Variants in PSCA observed in about 807,000 individuals in gnomAD.
PSCA encodes the protein prostate stem cell antigen.
PSCA carries 7 observed loss-of-function variants against 7.9 expected under a neutral mutation model. The observed-to-expected ratio is 0.89, with a 90% CI of 0.51 to 1.67. The LOEUF (loss-of-function observed/expected upper bound fraction) is 1.67, where lower values mean the gene tolerates loss of function less well. PSCA is among the 40% of genes most tolerant of loss of function. The pLI is 0.00. For missense variants in PSCA, 151 were observed against 147.9 expected (o/e 1.02, Z -0.11); for synonymous variants, 61 against 68.3 (o/e 0.89, Z 0.53).
At position 142,673,189 on chromosome 8, in the gene PSCA, G is replaced by T. The variant is rs1847355331; in HGVS notation, n.261+2621G>T. On this transcript the variant is annotated intron_variant and non_coding_transcript_variant, in intron 1 of 1. Coordinates refer to the PSCA transcript ENST00000505305. This position sits in a 1 kb window ranked among gnomAD's most constrained non-coding sequence, Gnocchi z 4.6. ...TCATTAAAAGGAAAACCTTACTGAG[G>T]ACTTCCTTACCCTCACTATCTGCCT... Among the ~76,000 whole-genome samples the T allele has an allele frequency of 6.6e-6, 1 of 152,164 alleles. No homozygotes were observed. The highest frequency in any genetic ancestry group is 2.4e-5 in the African/African-American group (1 of 41,416).
At chr8:142,677,236 G>C (rs371560444), upstream of PSCA, among the ~76,000 whole-genome samples, 2 of 152,186 alleles carry the variant, frequency 1.3e-5, no homozygotes, top group Admixed American at 6.5e-5. Flanking sequence ...ATGGTCTTCC[G>C]TATAGGAGCC....
upstream of PSCA, among the ~76,000 whole-genome samples, chr8:142,677,926 G>A (rs1207138079): frequency 1.3e-5 from 2 of 152,120 alleles, no homozygotes; most frequent in Non-Finnish European, 2.9e-5. Context: ...GAAGGACAGG[G>A]GCTGACCTGG....
At chr8:142,680,385 C>T (rs1847447632), upstream of PSCA, 2 of 830,360 alleles carry the variant, frequency 2.4e-6, no homozygotes, top group Non-Finnish European at 3.9e-6. Flanking sequence ...CTCGGACCTG[C>T]CCAGCCCCGG....
Position 142,681,375 on chromosome 8 carries a change from A to T in PSCA, c.74A>T (p.Asp25Val), listed in dbSNP as rs782123722. The change falls in exon 2 of 3, where the codon GAC becomes GTC. Residue 25 changes from aspartate to valine, a missense_variant. Transcript: ENST00000301258. Reference protein sequence around the residue: ...YSCKAQVSNEDCLQVENCTQL... With the variant: ...YSCKAQVSNEVCLQVENCTQL... Reference sequence around the variant, plus strand: ...TGCAAAGCCCAGGTGAGCAACGAGGACTGCCTGCAGGTGGAGAACTGCACC... The same window carrying T: ...TGCAAAGCCCAGGTGAGCAACGAGGTCTGCCTGCAGGTGGAGAACTGCACC... 2.5e-6 allele frequency: 4 copies of T among 1,589,212 alleles called. No homozygotes were observed. The South Asian group carries it at 3.5e-5, about 14-fold the overall frequency.
At chr8:142,677,091 C>G (rs1442630247), upstream of PSCA, among the ~76,000 whole-genome samples, 1 of 152,208 alleles carries the variant, frequency 6.6e-6, no homozygotes, top group African/African-American at 2.4e-5. Context: ...GGCCAGGGCT[C>G]AGGGTGGGGC....
At chr8:142,675,387 A>G (rs1847387487) in intron 1 of PSCA, among the ~76,000 whole-genome samples, 1 of 152,164 alleles carries the variant, frequency 6.6e-6, no homozygotes. Flanking sequence ...GAGAGCCAGG[A>G]AAAGGCACCT....
At chr8:142,674,533 A>G (rs1554637669) in intron 1 of PSCA, among the ~76,000 whole-genome samples, 1 of 152,248 alleles carries the variant, frequency 6.6e-6, no homozygotes, top group Non-Finnish European at 1.5e-5. Context: ...AAGGGCTGTT[A>G]TGCCCAGAAA....
At chr8:142,678,936 AT>A (rs1351302705), upstream of PSCA, among the ~76,000 whole-genome samples, 5 of 140,122 alleles carry the variant, frequency 3.6e-5, no homozygotes, top group African/African-American at 1.3e-4. Context: ...CTAGAGGGCC[AT>A]AGCCGCTGCC....
rs1814674153 is a variant in PSCA at position 142,682,570 on chromosome 8, G to T, written c.*438G>T. The T allele has an allele frequency of 7.6e-6, 3 of 394,540 alleles. No homozygotes were observed. Among genetic ancestry groups the T allele is most frequent in the Non-Finnish European group, 1.5e-5 (3 of 196,638 alleles). 24.4% of individuals were successfully genotyped at this position (394,540 alleles called of 1,614,324 possible). On this transcript the variant is annotated 3_prime_UTR_variant, in exon 3 of 3. Coordinates refer to ENST00000301258, the MANE Select transcript of PSCA (RefSeq NM_005672.5). ...AGGCTGAGATGAAGTGGACTGAGTA[G>T]AACTGGAGGACAGGAGTCGACGTGA...
Position 142,682,436 on chromosome 8 carries a change from C to G in PSCA, c.*304C>G, listed in dbSNP as rs782436367. On this transcript the variant is annotated 3_prime_UTR_variant, in exon 3 of 3. Coordinates refer to ENST00000301258, the MANE Select transcript of PSCA (RefSeq NM_005672.5). ...CCCTTAACCCTGTGCTCAGGCACCT[C>G]TTCCCCCAGGAAGCCTTCCCTGCCC... 156 of 651,432 alleles carry G rather than the reference C, an allele frequency of 2.4e-4. 2 individuals carry two copies. Among genetic ancestry groups the G allele is most frequent in the South Asian group, 2.3e-3 (152 of 66,284 alleles). The allele number at this position is 651,432 out of a possible 1,614,324, so 40.4% of individuals were successfully genotyped here.
rs375245471 is a variant in PSCA at position 142,673,976 on chromosome 8, C to A, written n.261+3408C>A. Among the ~76,000 whole-genome samples, 4 of 147,266 alleles carry A rather than the reference C, an allele frequency of 2.7e-5. No individual in the cohort carries two copies. Among genetic ancestry groups the A allele is most frequent in the East Asian group, 2.1e-4 (1 of 4,790 alleles). ...TTCCTAATGAATAACGGCTGGGAAT[C>A]GTTTCAGTCTAACCTCAGCAGAGCG... On this transcript the variant is annotated intron_variant and non_coding_transcript_variant, in intron 1 of 1. Transcript: ENST00000505305. This position sits in a 1 kb window ranked among gnomAD's most constrained non-coding sequence, Gnocchi z 4.6.
upstream of PSCA, chr8:142,680,331 G>T (rs1008367952): frequency 1.1e-5 from 7 of 609,014 alleles, no homozygotes; most frequent in Non-Finnish European, 2.1e-5. Context: ...GAGGTGGAAA[G>T]AAGGACAAAG....
chr8:142,677,658 G>A (rs1156771682), upstream of PSCA, among the ~76,000 whole-genome samples: 1 of 152,162 alleles, frequency 6.6e-6, no homozygotes, highest in East Asian at 1.9e-4. Flanking sequence ...GCCACACACG[G>A]AAGCAGTTCA....
At chr8:142,674,320 G>A (rs1847371268) in intron 1 of PSCA, among the ~76,000 whole-genome samples, 2 of 145,032 alleles carry the variant, frequency 1.4e-5, no homozygotes, top group Non-Finnish European at 1.5e-5. Context: ...CCTCAGCAGA[G>A]CTCAGACTCC....
upstream of PSCA, among the ~76,000 whole-genome samples, chr8:142,677,083 C>A (rs2129862996): frequency 6.6e-6 from 1 of 152,294 alleles, no homozygotes; most frequent in South Asian, 2.1e-4. Context: ...GTGGCCAGGG[C>A]CAGGGCTCAG....
rs183325548 is a variant in PSCA at position 142,673,429 on chromosome 8, G to A, written n.261+2861G>A. ...GACCAAGTCCATTCTGACACTGGGA[G>A]GGGTCAGAAAGAGAGGAAGAAAATA... On this transcript the variant is annotated intron_variant and non_coding_transcript_variant, in intron 1 of 1. Coordinates refer to the PSCA transcript ENST00000505305. This position sits in a 1 kb window ranked among gnomAD's most constrained non-coding sequence, Gnocchi z 4.6. Among the ~76,000 whole-genome samples, 2 of 152,336 alleles carry A rather than the reference G, an allele frequency of 1.3e-5. No homozygotes were observed. Among genetic ancestry groups the A allele is most frequent in the Admixed American group, 1.3e-4 (2 of 15,306 alleles).
At chr8:142,680,612 G>T (rs1554638213) in intron 1 of PSCA, 49 bp downstream of exon 1, 1 of 1,550,970 alleles carries the variant, frequency 6.4e-7, no homozygotes, top group South Asian at 1.2e-5. Flanking sequence ...GGGTGAGCCG[G>T]GGAGGCCAGA....
intron 1 of PSCA, among the ~76,000 whole-genome samples, chr8:142,672,633 T>C (rs1554637478): frequency 1.3e-5 from 2 of 152,268 alleles, no homozygotes; most frequent in East Asian, 3.9e-4. Flanking sequence ...TTGGGGTAAA[T>C]ACCTGGGGTT....
chr8:142,678,167 G>A (rs929427319), upstream of PSCA, among the ~76,000 whole-genome samples: 5 of 152,182 alleles, frequency 3.3e-5, no homozygotes, highest in African/African-American at 1.2e-4. Context: ...GATTCCCCGA[G>A]ACTTTTCCTG....
Sources: allele counts gnomAD v4.1 joint callset (sites outside exome capture counted in the v4.1 genomes callset), GRCh38; gene constraint gnomAD v4.1.1; non-coding constraint Gnocchi (gnomAD v3.1); transcripts MANE v1.5; gene names NCBI Gene and HGNC (gene_info 2026-07-23, HGNC 2026-07-21).